Variants in FRMPD4 observed in about 807,000 individuals in gnomAD.
FRMPD4 encodes the protein FERM and PDZ domain-containing protein 4.
In FRMPD4, 22 loss-of-function variants were observed where a neutral mutation model predicts 94.1. The ratio of observed to expected loss-of-function variants is 0.23; its 90% confidence interval spans 0.17 to 0.33. The LOEUF is 0.33. Ranked by LOEUF, FRMPD4 falls within the 10% of genes least tolerant of loss-of-function variation. The probability of loss-of-function intolerance (pLI) is 1.00; values close to 1 mark genes in which losing one functional copy is unlikely to be tolerated. For synonymous variants in FRMPD4, 631 were observed against 548.6 expected (o/e 1.15, Z -2.10); for missense variants, 1,111 against 1,339.9 (o/e 0.83, Z 2.67).
intron 1 of FRMPD4, among the ~76,000 whole-genome samples, chrX:11,839,705 T>A (rs1414980094): frequency 8.9e-6 from 1 of 111,805 alleles, no homozygotes; most frequent in East Asian, 2.8e-4. Flanking sequence ...TACTCTGAGT[T>A]AATTTTCATG....
chrX:12,043,796 TATC>T (rs1171322238), intron 3 of FRMPD4, among the ~76,000 whole-genome samples: 3 of 112,172 alleles, frequency 2.7e-5, no homozygotes, highest in Non-Finnish European at 5.6e-5. Context: ...AGAATATACA[TATC>T]ATAGTCTTAT....
At chrX:12,007,579 T>C (rs1483545338) in intron 3 of FRMPD4, among the ~76,000 whole-genome samples, 1 of 111,455 alleles carries the variant, frequency 9.0e-6, no homozygotes, top group Non-Finnish European at 1.9e-5. Flanking sequence ...TCTCAATCCT[T>C]TTCCCTGGCA....
chrX:12,446,824 C>G (rs921398891), intron 1 of FRMPD4, among the ~76,000 whole-genome samples: 2 of 111,653 alleles, frequency 1.8e-5, no homozygotes, highest in Non-Finnish European at 3.8e-5. Context: ...ACTAATACAC[C>G]AGGGGTGGCT....
At chrX:12,153,437 A>T (rs1025519401) in intron 1 of FRMPD4, among the ~76,000 whole-genome samples, 3 of 111,835 alleles carry the variant, frequency 2.7e-5, no homozygotes, top group Admixed American at 9.5e-5. Context: ...GGTTGAGGTC[A>T]TGTTGACAGG....
chrX:11,912,260 G>A (rs999628401), intron 3 of FRMPD4, among the ~76,000 whole-genome samples: 1 of 112,174 alleles, frequency 8.9e-6, no homozygotes, highest in African/African-American at 3.2e-5. Context: ...CTCAGGCTTG[G>A]AATATTACCC....
chrX:11,920,909 G>T lies in FRMPD4; in HGVS notation c.95+42891G>T, dbSNP rs190823828. Among the ~76,000 whole-genome samples, 4 of 111,982 alleles carry T rather than the reference G, an allele frequency of 3.6e-5. No individual in the cohort carries two copies. In the East Asian group the frequency reaches 1.1e-3, roughly 31 times the overall value. Reference sequence around the variant, plus strand: ...CTTCAGTATCCCCCAAAGTACCTTTGTGCATGTGTCTAGCTGGACAATCTG... The same window carrying T: ...CTTCAGTATCCCCCAAAGTACCTTTTTGCATGTGTCTAGCTGGACAATCTG... On this transcript the variant is annotated intron_variant, in intron 3 of 18. Transcript: ENST00000640291.
intron 1 of FRMPD4, among the ~76,000 whole-genome samples, chrX:12,487,050 C>G (rs184259355): frequency 1.8e-5 from 2 of 112,035 alleles, no homozygotes; most frequent in African/African-American, 6.5e-5. Context: ...AAATGTGAGA[C>G]CAGAATGGGA....
At chrX:11,931,758 A>G (rs887658217) in intron 3 of FRMPD4, among the ~76,000 whole-genome samples, 2 of 112,255 alleles carry the variant, frequency 1.8e-5, no homozygotes, top group Non-Finnish European at 3.8e-5. Context: ...TTTCAAGGCT[A>G]TTTTTGAAAA....
At chrX:12,274,725 G>C (rs752450782) in intron 1 of FRMPD4, among the ~76,000 whole-genome samples, 1 of 112,740 alleles carries the variant, frequency 8.9e-6, no homozygotes, top group East Asian at 2.8e-4. Context: ...AACATGTACA[G>C]AAGGCGGGGC....
At position 12,710,383 on chromosome X, in the gene FRMPD4, G is replaced by A. The variant is rs2041962214; in HGVS notation, c.1471-16G>A. Reference sequence around the variant, plus strand: ...AAGAATGGATGGCTTTAACCAAAGTGTTCTCTTTTGTGTAGCCTATCACGC... The same window carrying A: ...AAGAATGGATGGCTTTAACCAAAGTATTCTCTTTTGTGTAGCCTATCACGC... On this transcript the variant is annotated splice_polypyrimidine_tract_variant and intron_variant, in intron 13 of 16. Coordinates refer to ENST00000675598, the MANE Select transcript of FRMPD4 (RefSeq NM_001368397.1). 1 of 1,188,486 alleles carries A rather than the reference G, an allele frequency of 8.4e-7. No individual in the cohort carries two copies. The highest frequency in any genetic ancestry group is 3.0e-5 in the East Asian group (1 of 33,434).
chrX:12,512,711 G>C (rs1418334537), intron 2 of FRMPD4, among the ~76,000 whole-genome samples: 2 of 112,462 alleles, frequency 1.8e-5, no homozygotes, highest in Admixed American at 1.9e-4. Context: ...ATAATAGAAT[G>C]ATCTATATTC....
intron 3 of FRMPD4, among the ~76,000 whole-genome samples, chrX:12,040,772 G>A (rs756862539): frequency 1.5e-4 from 16 of 108,685 alleles, no homozygotes; most frequent in African/African-American, 4.4e-4. Context: ...CTCGTGATCC[G>A]CCCACCTCGG....
intron 1 of FRMPD4, among the ~76,000 whole-genome samples, chrX:12,393,062 G>A (rs890541041): frequency 1.8e-5 from 2 of 112,558 alleles, no homozygotes; most frequent in African/African-American, 6.5e-5. Flanking sequence ...TTGAAGGGCA[G>A]GGACTGCAAA....
intron 1 of FRMPD4, among the ~76,000 whole-genome samples, chrX:12,390,656 T>C (rs952985558): frequency 8.9e-6 from 1 of 112,108 alleles, no homozygotes; most frequent in African/African-American, 3.2e-5. Flanking sequence ...ACTTTGTTTA[T>C]GGCTATATTG....
intron 3 of FRMPD4, among the ~76,000 whole-genome samples, chrX:12,122,283 AG>A (rs1442676085): frequency 8.9e-6 from 1 of 112,179 alleles, no homozygotes; most frequent in Non-Finnish European, 1.9e-5. Flanking sequence ...AATTTACGAA[AG>A]ATGAATATAA....
chrX:12,229,097 G>C (rs2056955648), intron 1 of FRMPD4, among the ~76,000 whole-genome samples: 1 of 112,358 alleles, frequency 8.9e-6, no homozygotes, highest in Admixed American at 9.4e-5. Flanking sequence ...AGCGTGATAA[G>C]ACCAAATTGT....
intron 3 of FRMPD4, among the ~76,000 whole-genome samples, chrX:12,019,724 C>T (rs1017433993): frequency 9.1e-6 from 1 of 109,812 alleles, no homozygotes; most frequent in African/African-American, 3.3e-5. Flanking sequence ...GACCCCAAGC[C>T]GTGACTTCTA....
intron 3 of FRMPD4, among the ~76,000 whole-genome samples, chrX:11,911,135 A>G (rs959320401): frequency 4.4e-5 from 5 of 112,565 alleles, no homozygotes; most frequent in African/African-American, 1.6e-4. Flanking sequence ...AAAAGCAACC[A>G]TGGACAATAT....
intron 1 of FRMPD4, among the ~76,000 whole-genome samples, chrX:12,384,342 C>T (rs963396981): frequency 9.0e-6 from 1 of 110,936 alleles, no homozygotes; most frequent in African/African-American, 3.3e-5. Context: ...ATGGCGAAAC[C>T]GTATCTCACC....
Sources: allele counts gnomAD v4.1 joint callset (sites outside exome capture counted in the v4.1 genomes callset), GRCh38; gene constraint gnomAD v4.1.1; transcripts MANE v1.5; gene names NCBI Gene and HGNC (gene_info 2026-07-23, HGNC 2026-07-21).